The following RAB37 variants were observed in gnomAD, a reference collection of about 807,000 sequenced individuals.
The protein encoded by RAB37 is ras-related protein Rab-37.
In RAB37, 29 loss-of-function variants were observed where a neutral mutation model predicts 33.1. That is an observed-to-expected ratio of 0.88 (90% CI 0.65 to 1.20). The LOEUF (loss-of-function observed/expected upper bound fraction) is 1.20. RAB37 is among the 50% of genes most tolerant of loss of function. The pLI, the probability that RAB37 is intolerant of heterozygous loss-of-function variation, is 0.00. For missense variants in RAB37, 299 were observed against 301.1 expected, an observed-to-expected ratio of 0.99 and a Z score of 0.05; for synonymous variants, 128 against 119.5, an observed-to-expected ratio of 1.07 and a Z score of -0.47.
chr17:74,713,941 G>C (rs1382214556), intron 1 of RAB37, among the ~76,000 whole-genome samples: 1 of 146,834 alleles, frequency 6.8e-6, no homozygotes, highest in Non-Finnish European at 1.5e-5. Flanking sequence ...CAGGCATGGT[G>C]GCTCATGCCT....
At chr17:74,698,631 C>T (rs999282832) in intron 1 of RAB37, 1 of 1,476,078 alleles carries the variant, frequency 6.8e-7, no homozygotes, top group Non-Finnish European at 9.0e-7. Context: ...CCTGGGGATC[C>T]TCAAAGATGG....
intron 1 of RAB37, chr17:74,704,829 A>T: frequency 6.3e-7 from 1 of 1,599,652 alleles, no homozygotes. Flanking sequence ...GGAAAACACA[A>T]ATTCATGTGC....
chr17:74,744,703 C>T lies in RAB37; in HGVS notation c.433-170C>T. The T allele has an allele frequency of 1.3e-6, 1 of 755,264 alleles. No individual in the cohort carries two copies. Among genetic ancestry groups the T allele is most frequent in the Non-Finnish European group, 2.2e-6 (1 of 446,572 alleles). The allele number at this position is 755,264 out of a possible 1,614,324, so 46.8% of individuals were successfully genotyped here. A position where few individuals can be genotyped will look rare whatever the true frequency, so the allele number is the denominator to read the frequency against. ...AAGACCCTTTACCAAAGGTGAGATC[C>T]CAGAGCTGGGAGCTACACTGGGCAG... On this transcript the variant is annotated intron_variant, in intron 6 of 8. Transcript: ENST00000392613. The surrounding 1 kb of genome is among the most constrained non-coding windows in gnomAD (Gnocchi z 4.2).
At chr17:74,735,059 A>AAGAAAG (rs2034454067), upstream of RAB37, among the ~76,000 whole-genome samples, 1 of 135,644 alleles carries the variant, frequency 7.4e-6, no homozygotes, top group African/African-American at 2.7e-5. Flanking sequence ...GAAAGAAAGA[A>AAGAAAG]AGAGAAAGAA....
rs756549615 is a variant in RAB37, at chr17:74,745,331, C to T, written c.592C>T (p.Gln198Ter). 12 of 1,614,076 alleles carry T rather than the reference C, an allele frequency of 7.4e-6. No homozygotes were observed. In the East Asian group the frequency reaches 2.2e-4, roughly 30 times the overall value. ...GGAACTGAAATACCGGGCCGGGCAT[C>T]AGGCGGATGAGCCCAGCTTCCAGAT... The part of the protein sequence containing the change: ...AKELKYRAGH[Q>*]ADEPSFQIRD... The change falls in exon 9 of 9, where the codon CAG becomes TAG. Residue 198 changes from glutamine (Q) to a stop codon, truncating the protein, a stop_gained. Transcript: ENST00000392613. LOFTEE classifies it high-confidence loss of function. This position sits in a 1 kb window ranked among gnomAD's most constrained non-coding sequence, Gnocchi z 4.5.
chr17:74,696,078 G>A lies in RAB37; in HGVS notation c.72+24420G>A, dbSNP rs1463368179. 4 of 1,379,438 alleles carry A rather than the reference G, an allele frequency of 2.9e-6. No individual in the cohort carries two copies. The African/African-American group carries it at 5.8e-5, about 20-fold the overall frequency. 85.4% of individuals were successfully genotyped at this position (1,379,438 alleles called of 1,614,324 possible). On this transcript the variant is annotated intron_variant, in intron 1 of 7. Coordinates refer to the RAB37 transcript ENST00000340415. ...CCCAGGCCCTGCAGGGTGCCATGAG[G>A]ACAGGATACTTTGGCACAGGACTTC...
chr17:74,731,866 C>G (rs2034387830), intron 2 of RAB37, among the ~76,000 whole-genome samples: 1 of 152,070 alleles, frequency 6.6e-6, no homozygotes, highest in Non-Finnish European at 1.5e-5. Context: ...AAACGTTTGC[C>G]AGGCGTGGTG....
Position 74,740,798 on chromosome 17 carries a change from A to C in RAB37, c.124A>C (p.Lys42Gln), listed in dbSNP as rs2034594760. 2.5e-6 allele frequency: 4 copies of C among 1,613,976 alleles called. No homozygotes were observed. The highest frequency in any genetic ancestry group is 1.7e-5 in the Admixed American group (1 of 60,004). ...VMLLGDTGVG[K>Q]TCFLIQFKDG... ...GCTTCTGGGAGACACAGGCGTCGGC[A>C]AAACATGTTTCCTGATCCAATTCAA... The change falls in exon 2 of 9, where the codon AAA becomes CAA. Residue 42 changes from lysine to glutamine, a missense_variant. Lys to Gln is a moderately conservative substitution (Grantham distance 53). Transcript: ENST00000392613.
intron 1 of RAB37, chr17:74,704,331 C>T (rs537499773): frequency 1.6e-6 from 1 of 640,306 alleles, no homozygotes; most frequent in South Asian, 1.9e-5. Flanking sequence ...CCTGCTCCCC[C>T]AGTCCCAGGT....
At chr17:74,682,181 G>A (rs540542556) in intron 1 of RAB37, among the ~76,000 whole-genome samples, 10 of 152,244 alleles carry the variant, frequency 6.6e-5, no homozygotes, top group South Asian at 2.1e-4. Context: ...CAGGACTCTC[G>A]ATTTCCAGTG....
chr17:74,689,953 C>T (rs940365858), intron 1 of RAB37, among the ~76,000 whole-genome samples: 2 of 152,044 alleles, frequency 1.3e-5, no homozygotes, highest in East Asian at 1.9e-4. Context: ...ACAGGCTTAT[C>T]AAGTGGAATC....
In RAB37 at chr17:74,737,272, C is replaced by A; in HGVS notation, c.-1C>A. Reference sequence around the variant, plus strand: ...GCACTGCTCACCTCTCGTCCAGGGACATGACGGGCACGCCAGGCGCCGTTG... The same window carrying A: ...GCACTGCTCACCTCTCGTCCAGGGAAATGACGGGCACGCCAGGCGCCGTTG... On this transcript the variant is annotated 5_prime_UTR_variant, in exon 1 of 9. Transcript: ENST00000392613. The A allele has an allele frequency of 6.4e-7, 1 of 1,563,118 alleles. No individual in the cohort carries two copies. Among genetic ancestry groups the A allele is most frequent in the Non-Finnish European group, 8.6e-7 (1 of 1,160,974 alleles).
At chr17:74,695,248 A>G (rs2143530778) in intron 1 of RAB37, 1 of 1,613,948 alleles carries the variant, frequency 6.2e-7, no homozygotes, top group Non-Finnish European at 8.5e-7. Flanking sequence ...TTCGGCAAGG[A>G]AGCCTGCAGC....
rs543886414 is a variant in RAB37 at position 74,743,022 on chromosome 17, C to T, written c.247-107C>T. 3.2e-5 allele frequency: 31 copies of T among 964,884 alleles called. No homozygotes were observed. The South Asian group carries it at 3.9e-4, about 12-fold the overall frequency. The allele number at this position is 964,884 out of a possible 1,614,324, so 59.8% of individuals were successfully genotyped here. On this transcript the variant is annotated intron_variant, in intron 3 of 8. Coordinates refer to ENST00000392613, the MANE Select transcript of RAB37 (RefSeq NM_001006638.3). ...CATGAGAACCTAAAGAAGAAAACAG[C>T]CCCACCTTCCCACAGATATCTCATA... is the stretch of plus-strand genomic sequence containing the variant.
upstream of RAB37, among the ~76,000 whole-genome samples, chr17:74,733,487 T>G (rs2034420953): frequency 7.4e-6 from 1 of 134,496 alleles, no homozygotes; most frequent in Non-Finnish European, 1.6e-5. Flanking sequence ...GTGTGAGGTG[T>G]GTGGTGTGAT....
intron 1 of RAB37, among the ~76,000 whole-genome samples, chr17:74,698,213 G>A (rs569753560): frequency 5.9e-5 from 9 of 152,134 alleles, no homozygotes; most frequent in African/African-American, 1.2e-4. Flanking sequence ...GCTCCAGGGC[G>A]CCCCCCGGTC....
chr17:74,708,147 CAAAAAAAA>C (rs373733638), intron 1 of RAB37, among the ~76,000 whole-genome samples: 1 of 81,306 alleles, frequency 1.2e-5, no homozygotes, highest in Non-Finnish European at 2.2e-5. Context: ...GACTCCATCT[CAAAAAAAA>C]AAAAAAGAAA....
At chr17:74,698,637 G>A in intron 1 of RAB37, 1 of 1,473,414 alleles carries the variant, frequency 6.8e-7, no homozygotes, top group Non-Finnish European at 9.0e-7. Context: ...GATCCTCAAA[G>A]ATGGGTTTAC....
At chr17:74,704,691 C>A in intron 1 of RAB37, 1 of 1,614,200 alleles carries the variant, frequency 6.2e-7, no homozygotes, top group Non-Finnish European at 8.5e-7. Flanking sequence ...CGCCAAATAG[C>A]TCCTCGACAC....
Sources: allele counts gnomAD v4.1 joint callset (sites outside exome capture counted in the v4.1 genomes callset), GRCh38; gene constraint gnomAD v4.1.1; non-coding constraint Gnocchi (gnomAD v3.1); transcripts MANE v1.5; gene names NCBI Gene and HGNC (gene_info 2026-07-23, HGNC 2026-07-21).